The following USP28 variants were observed in gnomAD, a reference collection of about 807,000 sequenced individuals.
The protein encoded by USP28 is ubiquitin specific peptidase 28, also known as ubiquitin carboxyl-terminal hydrolase 28.
Under a neutral mutation model 145.0 loss-of-function variants are expected in USP28, and 113 were observed. That is an observed-to-expected ratio of 0.78 (90% CI 0.67 to 0.91). The LOEUF is 0.91. Among genes scored for constraint, USP28 ranks in the 40% least tolerant of loss-of-function variants. The pLI, the probability that USP28 is intolerant of heterozygous loss-of-function variation, is 0.00. For synonymous variants in USP28, 447 were observed against 450.9 expected, an observed-to-expected ratio of 0.99 and a Z score of 0.11; for missense variants, 1,201 against 1,289.6, an observed-to-expected ratio of 0.93 and a Z score of 1.05.
At chr11:113,872,435 A>G (rs1000610408) in intron 1 of USP28, among the ~76,000 whole-genome samples, 38 of 151,870 alleles carry the variant, frequency 2.5e-4, no homozygotes, top group Admixed American at 1.8e-3. Flanking sequence ...TGCAGTGAGC[A>G]GAGATCGCGC....
intron 19 of USP28, among the ~76,000 whole-genome samples, chr11:113,805,381 A>C (rs1939774729): frequency 6.6e-6 from 1 of 151,416 alleles, no homozygotes; most frequent in Non-Finnish European, 1.5e-5. Context: ...TCAGCCTCCC[A>C]AGTAGCTGGG....
intron 3 of USP28, among the ~76,000 whole-genome samples, chr11:113,850,046 G>T (rs1232142002): frequency 6.6e-6 from 1 of 152,086 alleles, no homozygotes; most frequent in African/African-American, 2.4e-5. Flanking sequence ...ATTAGCATCT[G>T]TAAGACCCAT....
chr11:113,840,874 G>A, intron 4 of USP28, 117 bp from the exon 5 acceptor site: 1 of 1,269,636 alleles, frequency 7.9e-7, no homozygotes, highest in Non-Finnish European at 1.1e-6. Flanking sequence ...AGTATTTACT[G>A]GATAATCCCT....
At chr11:113,820,511 T>G (rs1942439820) in intron 12 of USP28, 1 of 152,176 alleles carries the variant, frequency 6.6e-6, no homozygotes, top group South Asian at 2.1e-4. Context: ...ATCAGGCACT[T>G]TGGGAAACTA....
At chr11:113,849,892 G>T (rs1946277061) in intron 3 of USP28, among the ~76,000 whole-genome samples, 1 of 152,130 alleles carries the variant, frequency 6.6e-6, no homozygotes, top group African/African-American at 2.4e-5. Flanking sequence ...TCTGAACTGG[G>T]TTTTACTATC....
At position 113,807,756 on chromosome 11, in the gene USP28, C is replaced by A. The variant is rs959598750; in HGVS notation, c.2304+542G>T. 5.9e-5 allele frequency among the ~76,000 whole-genome samples: 9 copies of A among 152,052 alleles called. No individual in the cohort carries two copies. In the South Asian group the frequency reaches 1.2e-3, roughly 21 times the overall value. ...ATAAGCCTGGGTAGATATACATATG[C>A]TGGGAGCGCTATACAATAGAAACAT... On this transcript the variant is annotated intron_variant, in intron 18 of 24. Transcript: ENST00000003302.
chr11:113,874,687 C>A, intron 1 of USP28: 1 of 1,221,872 alleles, frequency 8.2e-7, no homozygotes, highest in Non-Finnish European at 1.0e-6. Context: ...AGAAGACATG[C>A]TCAAATTGCC....
At chr11:113,851,239 T>A (rs1946409988) in intron 3 of USP28, among the ~76,000 whole-genome samples, 2 of 152,140 alleles carry the variant, frequency 1.3e-5, no homozygotes, top group Non-Finnish European at 2.9e-5. Flanking sequence ...ACAGTCAGAG[T>A]GATGGAAAAT....
At chr11:113,851,062 A>T (rs1179035914) in intron 3 of USP28, among the ~76,000 whole-genome samples, 1 of 152,042 alleles carries the variant, frequency 6.6e-6, no homozygotes, top group African/African-American at 2.4e-5. Flanking sequence ...TCTCTCTCTC[A>T]CACAACCCTA....
At chr11:113,812,280 A>T (rs920912927) in exon 16 of USP28, 2 of 1,613,264 alleles carry the variant, frequency 1.2e-6, no homozygotes, top group Non-Finnish European at 1.7e-6. Flanking sequence ...TTTTACCTGC[A>T]TTGAAGTAGG....
At chr11:113,852,324 G>A (rs1052081059) in intron 3 of USP28, among the ~76,000 whole-genome samples, 177 bp downstream of exon 3, 1 of 152,170 alleles carries the variant, frequency 6.6e-6, no homozygotes, top group Non-Finnish European at 1.5e-5. Context: ...CACTGCACCC[G>A]GCCAGAACTT....
chr11:113,817,713 T>G (rs867602900), exon 13 of USP28: 1 of 1,614,110 alleles, frequency 6.2e-7, no homozygotes, highest in Non-Finnish European at 8.5e-7. Context: ...AGTGGTAATG[T>G]CATATGTGTG....
chr11:113,807,258 A>G (rs946027842), intron 18 of USP28, among the ~76,000 whole-genome samples: 1 of 152,098 alleles, frequency 6.6e-6, no homozygotes, highest in African/African-American at 2.4e-5. Flanking sequence ...TTTTTAGTAG[A>G]GACAGGGGTT....
At chr11:113,813,917 C>T in exon 15 of USP28, 1 of 1,612,278 alleles carries the variant, frequency 6.2e-7, no homozygotes, top group Non-Finnish European at 8.5e-7. Flanking sequence ...TACATCTGTT[C>T]AATAGTCTGA....
intron 1 of USP28, among the ~76,000 whole-genome samples, chr11:113,862,490 G>A (rs2136878611): frequency 6.6e-6 from 1 of 152,304 alleles, no homozygotes; most frequent in South Asian, 2.1e-4. Flanking sequence ...TACGAAGGAA[G>A]AAAAGGCATT....
chr11:113,854,263 G>C (rs1278673042), exon 2 of USP28: 6 of 1,613,760 alleles, frequency 3.7e-6, no homozygotes, highest in Non-Finnish European at 5.1e-6. Flanking sequence ...CCAACCTTCA[G>C]AGCTTCATGG....
chr11:113,857,102 T>TTCAC (rs1235080761), intron 1 of USP28, among the ~76,000 whole-genome samples: 1 of 152,200 alleles, frequency 6.6e-6, no homozygotes, highest in East Asian at 1.9e-4. Flanking sequence ...ACACAATGTC[T>TTCAC]TCACGGCAGT....
chr11:113,813,038 C>T (rs1468315821), intron 15 of USP28, among the ~76,000 whole-genome samples: 4 of 152,140 alleles, frequency 2.6e-5, no homozygotes, highest in Non-Finnish European at 5.9e-5. Context: ...ATTTGAAAAG[C>T]ACATTTGTGT....
At position 113,853,435 on chromosome 11, in the gene USP28, T is replaced by G. The variant is rs2136510485; in HGVS notation, c.136-802A>C. ...GGAAAGGGAATAACAGAACCCCATG[T>G]ACCTATCACTCATCTTCAACAATTA... On this transcript the variant is annotated intron_variant, in intron 2 of 24. Transcript: ENST00000003302. Among the ~76,000 whole-genome samples the G allele has an allele frequency of 1.3e-5, 2 of 152,142 alleles. 1 individual carries two copies. Among genetic ancestry groups the G allele is most frequent in the South Asian group, 4.2e-4 (2 of 4,810 alleles).
Sources: gnomAD v4.1 joint callset for allele counts (sites outside exome capture counted in the v4.1 genomes callset) on GRCh38, gnomAD v4.1.1 for gene constraint, MANE v1.5 for transcripts, NCBI Gene and HGNC (gene_info 2026-07-23, HGNC 2026-07-21) for gene names.